HERC1: variants seen among roughly 807,000 people sequenced by gnomAD.
HERC1 encodes the protein probable E3 ubiquitin-protein ligase HERC1.
HERC1 carries 160 observed loss-of-function variants against 554.3 expected under a neutral mutation model. The ratio of observed to expected loss-of-function variants is 0.29; its 90% CI spans 0.25 to 0.33. The LOEUF is 0.33. HERC1 is among the 10% of genes least tolerant of loss of function. The pLI, the probability that HERC1 is intolerant of heterozygous loss-of-function variation, is 1.00. For synonymous variants in HERC1, 2,175 were observed against 2,131.7 expected, an observed-to-expected ratio of 1.02 and a Z score of -0.56; for missense variants, 4,919 against 5,918.5, an observed-to-expected ratio of 0.83 and a Z score of 5.54.
At chr15:63,655,633 C>G in intron 50 of HERC1, 109 bp downstream of exon 50, 1 of 781,346 alleles carries the variant, frequency 1.3e-6, no homozygotes, top group East Asian at 2.7e-5. Flanking sequence ...ATGTTCTAAA[C>G]TTAAGAAACT....
rs1268352189 is a variant in HERC1 at position 63,698,814 on chromosome 15, G to C, written c.4819C>G (p.Pro1607Ala). The change falls in exon 26 of 78, where the codon CCA becomes GCA. Residue 1607 changes from proline (P) to alanine (A), a missense_variant. Around this residue, in one of 11 missense-constraint regions of HERC1, gnomAD observed 1,121 missense variants for 1,244.0 expected, o/e 0.90. Transcript: ENST00000443617. ...CTTTCCTCTGGCTCTTTAAAACCTGGGGCATTCCCCACATCTCCACTCACA... is the reference window on the plus strand; with the variant it reads ...CTTTCCTCTGGCTCTTTAAAACCTGCGGCATTCCCCACATCTCCACTCACA... Reference protein sequence around the residue: ...SFVSGDVGNAPGFKEPEESMS... With the variant: ...SFVSGDVGNAAGFKEPEESMS... The C allele has an allele frequency of 6.2e-7, 1 of 1,613,838 alleles. No homozygotes were observed. Among genetic ancestry groups the C allele is most frequent in the Non-Finnish European group, 8.5e-7 (1 of 1,179,838 alleles).
At chr15:63,704,396 TAGAG>T (rs148906157) in intron 25 of HERC1, among the ~76,000 whole-genome samples, 2,013 of 152,304 alleles carry the variant, frequency 0.013, 23 homozygotes, top group East Asian at 0.023. Flanking sequence ...ATATGCATGA[TAGAG>T]ATTTGAGAGA....
intron 67 of HERC1, among the ~76,000 whole-genome samples, chr15:63,633,371 A>G (rs2068646025): frequency 6.6e-6 from 1 of 152,194 alleles, no homozygotes; most frequent in African/African-American, 2.4e-5. Flanking sequence ...AGAGTCAAGA[A>G]ATCTTCTATA....
chr15:63,733,687 AC>A (rs1359162790), intron 13 of HERC1, among the ~76,000 whole-genome samples: 1 of 151,710 alleles, frequency 6.6e-6, no homozygotes, highest in African/African-American at 2.4e-5. Context: ...AACCCCCTCT[AC>A]AAAAAATACA....
chr15:63,669,466 T>C, intron 40 of HERC1, 72 bp downstream of exon 40: 1 of 1,408,204 alleles, frequency 7.1e-7, no homozygotes. Context: ...CAAAACACAA[T>C]GCCCACATAA....
chr15:63,776,508 A>G (rs2076118934), intron 1 of HERC1, among the ~76,000 whole-genome samples: 2 of 152,238 alleles, frequency 1.3e-5, no homozygotes, highest in Admixed American at 6.5e-5. Context: ...TCTTCTAAAG[A>G]TTTATCCAAA....
intron 1 of HERC1, among the ~76,000 whole-genome samples, chr15:63,815,860 G>A (rs919786811): frequency 1.3e-5 from 2 of 152,088 alleles, no homozygotes; most frequent in Non-Finnish European, 2.9e-5. Flanking sequence ...TGGCAGAAGG[G>A]GTTAGCAAAC....
intron 64 of HERC1, among the ~76,000 whole-genome samples, 189 bp from the exon 65 acceptor site, chr15:63,636,331 T>C (rs1595867392): frequency 6.6e-6 from 1 of 151,406 alleles, no homozygotes; most frequent in South Asian, 2.1e-4. Context: ...AGTGCAGTGG[T>C]GTGATCTCGG....
chr15:63,684,405 A>G (rs2071634573), intron 34 of HERC1, among the ~76,000 whole-genome samples: 1 of 152,256 alleles, frequency 6.6e-6, no homozygotes, highest in African/African-American at 2.4e-5. Context: ...TGAAAAAAAT[A>G]AACTGTAACT....
rs1187382496 is a variant in HERC1, at chr15:63,665,994, T to G, written c.8480A>C (p.Asp2827Ala). ...TCCAGGTGACTGCAAATAACAGGGA[T>G]CATTTGACTTCCCGCCACTGCCTAG... The part of the protein sequence containing the change: ...AVLGSGGKSN[D>A]PCYLQSPGDI... Residue 2827 changes from aspartate (D) to alanine (A), a missense_variant, in exon 42 of 78, where the codon GAT (aspartate) becomes GCT (alanine). This residue lies in a region of HERC1 where 1,963 missense variants were observed against 2,228.6 expected (regional missense o/e 0.88). Coordinates refer to ENST00000443617, the MANE Select transcript of HERC1 (RefSeq NM_003922.4). 1 of 1,613,976 alleles carries G rather than the reference T, an allele frequency of 6.2e-7. No individual in the cohort carries two copies. Among genetic ancestry groups the G allele is most frequent in the South Asian group, 1.1e-5 (1 of 91,082 alleles).
intron 26 of HERC1, among the ~76,000 whole-genome samples, 164 bp downstream of exon 26, chr15:63,698,564 T>C (rs1186221832): frequency 6.6e-6 from 1 of 152,046 alleles, no homozygotes; most frequent in Non-Finnish European, 1.5e-5. Context: ...TCAAACAAAA[T>C]AATGTGCTGT....
In HERC1 at chr15:63,737,489, TATATACATATATATATCTTTTTTCCAG is replaced by T. The variant is rs1228872115; in HGVS notation, c.2521-2667_2521-2641del. ...TATATATCTTTTTTCCAGATATATA[TATATACATATATATATCTTTTTTCCAG>T]ATATATATATATATATATATATATA... On this transcript the variant is annotated intron_variant, in intron 12 of 77. Coordinates refer to ENST00000443617, the MANE Select transcript of HERC1 (RefSeq NM_003922.4). Among the ~76,000 whole-genome samples, 5 of 86,810 alleles carry T rather than the reference TATATACATATATATATCTTTTTTCCAG, an allele frequency of 5.8e-5. No homozygotes were observed. In the South Asian group the frequency reaches 1.9e-3, roughly 33 times the overall value. The allele number at this position is 86,810 out of a possible 152,430, so 57.0% of individuals were successfully genotyped here.
Position 63,672,522 on chromosome 15 carries a change from CG to C in HERC1, c.8018del (p.Pro2673ArgfsTer3). The C allele has an allele frequency of 6.2e-7, 1 of 1,601,538 alleles. No individual in the cohort carries two copies. Among genetic ancestry groups the C allele is most frequent in the Admixed American group, 1.7e-5 (1 of 57,970 alleles). Reference protein sequence around the residue: ...DTETVPASESPGVMPLSLLRQ... With the variant: ...DTETVPASESXGVMPLSLLRQ... Reference sequence around the variant, plus strand: ...TGAGAAGACTAAGAGGCATCACTCCCGGGGACTCGGATGCAGGCACTGTTTC... The same window carrying C: ...TGAGAAGACTAAGAGGCATCACTCCCGGGACTCGGATGCAGGCACTGTTTC... On this transcript the variant is annotated frameshift_variant, in exon 39 of 78. Coordinates refer to ENST00000443617, the MANE Select transcript of HERC1 (RefSeq NM_003922.4). LOFTEE classifies it high-confidence loss of function.
intron 38 of HERC1, 36 bp downstream of exon 38, chr15:63,674,306 C>T: frequency 2.0e-6 from 3 of 1,504,118 alleles, no homozygotes; most frequent in South Asian, 1.3e-5. Flanking sequence ...ATCTCAACAG[C>T]ACAAAAGCAA....
chr15:63,620,355 G>A lies in HERC1; in HGVS notation c.13688+2460C>T, dbSNP rs958984409. Among the ~76,000 whole-genome samples the A allele has an allele frequency of 2.0e-4, 31 of 152,238 alleles. 2 individuals carry two copies. The highest frequency in any genetic ancestry group is 1.3e-3 in the Admixed American group (20 of 15,290). Reference sequence around the variant, plus strand: ...CTAGTTTGATTGCACTGTGGTCTGAGAGACAGTTTGTTATAATTTCTGTTC... The same window carrying A: ...CTAGTTTGATTGCACTGTGGTCTGAAAGACAGTTTGTTATAATTTCTGTTC... On this transcript the variant is annotated intron_variant, in intron 74 of 77. Coordinates refer to ENST00000443617, the MANE Select transcript of HERC1 (RefSeq NM_003922.4).
intron 69 of HERC1, 101 bp from the exon 70 acceptor site, chr15:63,628,916 A>G (rs1453362571): frequency 8.2e-6 from 9 of 1,100,610 alleles, no homozygotes; most frequent in African/African-American, 1.6e-5. Flanking sequence ...AAATAAGTTA[A>G]TAACTGTACC....
chr15:63,642,494 C>T (rs1000031713), intron 59 of HERC1, among the ~76,000 whole-genome samples: 5 of 152,208 alleles, frequency 3.3e-5, no homozygotes, highest in Admixed American at 6.5e-5. Flanking sequence ...TGTGCCACCA[C>T]GCCTGGCTAA....
chr15:63,794,218 T>C (rs1199566232), intron 1 of HERC1, among the ~76,000 whole-genome samples: 2 of 152,158 alleles, frequency 1.3e-5, no homozygotes, highest in East Asian at 3.9e-4. Flanking sequence ...GGAGTAGCCA[T>C]TCTTTCATTC....
At chr15:63,660,090 G>T (rs73441955) in intron 46 of HERC1, among the ~76,000 whole-genome samples, 154 bp from the exon 47 acceptor site, 1 of 151,956 alleles carries the variant, frequency 6.6e-6, no homozygotes, top group Non-Finnish European at 1.5e-5. Context: ...AGGCCGAGGC[G>T]ACTGGATCAC....
Sources: gnomAD v4.1 joint callset for allele counts (sites outside exome capture counted in the v4.1 genomes callset) on GRCh38, gnomAD v4.1.1 for gene constraint, gnomAD v4.1.1 regional missense constraint, MANE v1.5 for transcripts, NCBI Gene and HGNC (gene_info 2026-07-23, HGNC 2026-07-21) for gene names.